COL5A2: variants seen among roughly 807,000 people sequenced by gnomAD.
COL5A2 encodes the protein collagen type V alpha 2 chain.
In COL5A2, 23 loss-of-function variants were observed where a neutral mutation model predicts 208.2. The ratio of observed to expected loss-of-function variants is 0.11; its 90% CI spans 0.08 to 0.16. The LOEUF is 0.16. Among genes scored for constraint, COL5A2 ranks in the 10% least tolerant of loss-of-function variants. COL5A2 has a pLI of 1.00. For synonymous variants in COL5A2, 625 were observed against 628.5 expected (o/e 0.99, Z 0.08); for missense variants, 1,590 against 1,956.4 (o/e 0.81, Z 3.53).
the COL5A2 span, among the ~76,000 whole-genome samples, chr2:189,273,835 C>G: frequency 1.3e-5 from 2 of 151,904 alleles, no homozygotes; most frequent in Non-Finnish European, 2.9e-5. Flanking sequence ...ATGATGATTA[C>G]CAGAATTTTG....
chr2:189,431,490 G>A, the COL5A2 span, among the ~76,000 whole-genome samples: 1 of 152,158 alleles, frequency 6.6e-6, no homozygotes, highest in African/African-American at 2.4e-5. Context: ...ACAATGTAGA[G>A]AAGACCTTAA....
chr2:189,086,322 C>T (rs926571453), intron 9 of COL5A2, among the ~76,000 whole-genome samples: 3 of 152,136 alleles, frequency 2.0e-5, no homozygotes, highest in African/African-American at 7.2e-5. Context: ...TCCTAAAGAT[C>T]CCATGGAACA....
At chr2:189,401,641 C>T in the COL5A2 span, among the ~76,000 whole-genome samples, 3 of 152,194 alleles carry the variant, frequency 2.0e-5, no homozygotes, top group African/African-American at 7.2e-5. Context: ...AATCATGACA[C>T]TGTCTTCCAC....
At chr2:189,098,299 T>G (rs934305539) in intron 5 of COL5A2, among the ~76,000 whole-genome samples, 1 of 152,338 alleles carries the variant, frequency 6.6e-6, no homozygotes, top group African/African-American at 2.4e-5. Flanking sequence ...ATTAATCTTT[T>G]ATACTAAGCC....
At chr2:189,158,179 T>C (rs1396782333) in intron 1 of COL5A2, among the ~76,000 whole-genome samples, 1 of 152,040 alleles carries the variant, frequency 6.6e-6, no homozygotes, top group African/African-American at 2.4e-5. Context: ...TCCATAGTAA[T>C]GACTTTTATG....
chr2:189,188,128 T>C (rs1199338412), intron 1 of COL5A2, among the ~76,000 whole-genome samples: 1 of 152,176 alleles, frequency 6.6e-6, no homozygotes, highest in South Asian at 2.1e-4. Context: ...TTACATAATT[T>C]CATCTTTTTA....
At chr2:189,403,197 T>C in the COL5A2 span, among the ~76,000 whole-genome samples, 1 of 152,172 alleles carries the variant, frequency 6.6e-6, no homozygotes, top group Non-Finnish European at 1.5e-5. Flanking sequence ...TCATTCGTGA[T>C]TTGGCTCTTG....
chr2:189,114,855 TTAAAA>T (rs1241493926), intron 1 of COL5A2, among the ~76,000 whole-genome samples: 1 of 151,860 alleles, frequency 6.6e-6, no homozygotes, highest in Non-Finnish European at 1.5e-5. Context: ...ACCCTGGAAC[TTAAAA>T]TAAAAATAAA....
At chr2:189,130,404 T>C (rs969876710) in intron 1 of COL5A2, among the ~76,000 whole-genome samples, 2 of 152,034 alleles carry the variant, frequency 1.3e-5, no homozygotes, top group African/African-American at 4.8e-5. Flanking sequence ...GAGCACCTAA[T>C]ATGTGCTCAA....
At chr2:189,348,901 G>C in the COL5A2 span, among the ~76,000 whole-genome samples, 2 of 152,130 alleles carry the variant, frequency 1.3e-5, no homozygotes, top group South Asian at 4.2e-4. Context: ...ATCATTTTTA[G>C]TGCCTACTGT....
At chr2:189,332,836 G>A in the COL5A2 span, among the ~76,000 whole-genome samples, 1 of 152,156 alleles carries the variant, frequency 6.6e-6, no homozygotes, top group Non-Finnish European at 1.5e-5. Context: ...CAAAAATGTG[G>A]AAGTGACTTT....
intron 10 of COL5A2, 41 bp from the exon 11 acceptor site, chr2:189,085,254 C>A (rs1241585229): frequency 1.3e-6 from 2 of 1,490,194 alleles, no homozygotes; most frequent in Non-Finnish European, 1.9e-6. Flanking sequence ...AGAATATTTA[C>A]CTTTACTTGC....
At chr2:189,128,840 C>T (rs931059200) in intron 1 of COL5A2, among the ~76,000 whole-genome samples, 3 of 151,912 alleles carry the variant, frequency 2.0e-5, no homozygotes, top group Admixed American at 2.0e-4. Flanking sequence ...CTTATAATAA[C>T]AGAGAAAAGC....
At chr2:189,393,115 A>G in the COL5A2 span, among the ~76,000 whole-genome samples, 2 of 152,118 alleles carry the variant, frequency 1.3e-5, no homozygotes, top group Non-Finnish European at 2.9e-5. Flanking sequence ...TTTTAGCATC[A>G]TATGTGTGCC....
At chr2:189,120,195 A>T (rs891807653) in intron 1 of COL5A2, among the ~76,000 whole-genome samples, 8 of 152,152 alleles carry the variant, frequency 5.3e-5, no homozygotes, top group African/African-American at 1.9e-4. Context: ...CTTGCCAAAA[A>T]CAACCAAAAT....
At chr2:189,293,148 A>G in the COL5A2 span, among the ~76,000 whole-genome samples, 2 of 152,092 alleles carry the variant, frequency 1.3e-5, no homozygotes, top group African/African-American at 4.8e-5. Flanking sequence ...AGATATACCT[A>G]ACACTAAATG....
chr2:189,373,435 A>C, the COL5A2 span, among the ~76,000 whole-genome samples: 4 of 152,168 alleles, frequency 2.6e-5, no homozygotes, highest in African/African-American at 9.7e-5. Context: ...AAAGGGGAAA[A>C]AGATATCTAA....
At chr2:189,311,516 TC>T in the COL5A2 span, 1 of 1,134,198 alleles carries the variant, frequency 8.8e-7, no homozygotes, top group Non-Finnish European at 1.3e-6. Flanking sequence ...CAGCTCTGAC[TC>T]CAGGTGCAGC....
At chr2:189,055,521 T>G (rs1170218198) in intron 35 of COL5A2, among the ~76,000 whole-genome samples, 2 of 152,194 alleles carry the variant, frequency 1.3e-5, no homozygotes, top group African/African-American at 4.8e-5. Context: ...GACAAGAACA[T>G]AAGAAATCTG....
Sources: allele counts gnomAD v4.1 joint callset (sites outside exome capture counted in the v4.1 genomes callset), GRCh38; gene constraint gnomAD v4.1.1; transcripts MANE v1.5; gene names NCBI Gene and HGNC (gene_info 2026-07-23, HGNC 2026-07-21).